The following SLC35F4 variants were observed in gnomAD, a reference collection of about 807,000 sequenced individuals.
SLC35F4 encodes the protein solute carrier family 35 member F4, also known as chromosome 14 open reading frame 36.
SLC35F4 carries 24 observed loss-of-function variants against 44.2 expected under a neutral mutation model. The observed-to-expected ratio is 0.54, with a 90% CI of 0.39 to 0.76. The LOEUF is 0.76. SLC35F4 is among the 30% of genes least tolerant of loss of function. The pLI, the probability that SLC35F4 is intolerant of heterozygous loss-of-function variation, is 0.00. For missense variants in SLC35F4, 562 were observed against 586.1 expected, an observed-to-expected ratio of 0.96 and a Z score of 0.42; for synonymous variants, 238 against 223.6, an observed-to-expected ratio of 1.06 and a Z score of -0.57.
chr14:57,867,604 C>CCCA (rs1595256415), upstream of SLC35F4, among the ~76,000 whole-genome samples: 1 of 150,018 alleles, frequency 6.7e-6, no homozygotes, highest in East Asian at 2.1e-4. Context: ...GCCTTTACAC[C>CCCA]CCCCCCCACG....
intron 1 of SLC35F4, among the ~76,000 whole-genome samples, chr14:57,926,838 T>C (rs921169588): frequency 6.6e-6 from 1 of 152,064 alleles, no homozygotes; most frequent in Non-Finnish European, 1.5e-5. Context: ...ATCACCAGTG[T>C]TTCCAAAAGA....
At chr14:57,801,003 C>T (rs928935234) in intron 1 of SLC35F4, among the ~76,000 whole-genome samples, 2 of 152,084 alleles carry the variant, frequency 1.3e-5, no homozygotes, top group African/African-American at 4.8e-5. Flanking sequence ...CATTCAAATT[C>T]AGAAAATGCA....
At chr14:57,793,312 A>G (rs1157863261) in intron 1 of SLC35F4, among the ~76,000 whole-genome samples, 48 of 151,822 alleles carry the variant, frequency 3.2e-4, no homozygotes, top group Non-Finnish European at 1.5e-5. Flanking sequence ...ATGAAACTGT[A>G]CAGTGGTGAA....
chr14:57,572,620 C>A (rs1401317649), intron 4 of SLC35F4, among the ~76,000 whole-genome samples: 1 of 152,198 alleles, frequency 6.6e-6, no homozygotes, highest in African/African-American at 2.4e-5. Context: ...AAATGGAAGC[C>A]AGTACTTCCT....
In SLC35F4 at chr14:57,964,989, AAAATATAT is replaced by A. The variant is rs1249977140; in HGVS notation, n.282+16916_282+16923del. On this transcript the variant is annotated intron_variant and non_coding_transcript_variant, in intron 1 of 1. Transcript: ENST00000556568. ...TCCCATGGGGGAAAAAAAAAAAAAA[AAAATATAT>A]ATATATATATATATAGTTTCAGACA... 7.0e-5 allele frequency among the ~76,000 whole-genome samples: 9 copies of A among 127,904 alleles called. No individual in the cohort carries two copies. In the East Asian group the frequency reaches 2.0e-3, roughly 29 times the overall value. 83.9% of individuals were successfully genotyped at this position (127,904 alleles called of 152,430 possible).
At chr14:57,742,637 C>T (rs564884407) in intron 1 of SLC35F4, among the ~76,000 whole-genome samples, 11 of 152,210 alleles carry the variant, frequency 7.2e-5, no homozygotes, top group African/African-American at 2.6e-4. Context: ...GACTTTAACA[C>T]CCCACTTTCA....
At chr14:57,885,730 A>T (rs1888632443) in intron 1 of SLC35F4, among the ~76,000 whole-genome samples, 1 of 152,210 alleles carries the variant, frequency 6.6e-6, no homozygotes, top group African/African-American at 2.4e-5. Context: ...TTTTATCATC[A>T]CAGAATGTTC....
At chr14:57,793,105 G>A (rs930865747) in intron 1 of SLC35F4, among the ~76,000 whole-genome samples, 4 of 151,944 alleles carry the variant, frequency 2.6e-5, no homozygotes, top group South Asian at 2.1e-4. Flanking sequence ...GCCTAACCTC[G>A]TCTTATCACA....
At chr14:57,645,225 T>G (rs2073446743) in intron 1 of SLC35F4, among the ~76,000 whole-genome samples, 1 of 152,226 alleles carries the variant, frequency 6.6e-6, no homozygotes, top group Non-Finnish European at 1.5e-5. Context: ...ATGGCCATTT[T>G]CACAATATTG....
chr14:57,684,522 G>T (rs2075011247), intron 1 of SLC35F4, among the ~76,000 whole-genome samples: 1 of 152,196 alleles, frequency 6.6e-6, no homozygotes, highest in African/African-American at 2.4e-5. Flanking sequence ...TCTGAGAGGA[G>T]GCAGAGCTCA....
chr14:57,948,532 T>C (rs1368349805), intron 1 of SLC35F4, among the ~76,000 whole-genome samples: 2 of 151,918 alleles, frequency 1.3e-5, no homozygotes, highest in Admixed American at 1.3e-4. Context: ...TTCAATTTTA[T>C]TTAGTTCTGC....
At chr14:57,925,491 AAGGAAGGGAGGGAGGGAGGGAGGGAGGG>A (rs1889540841) in intron 1 of SLC35F4, among the ~76,000 whole-genome samples, 1 of 82,406 alleles carries the variant, frequency 1.2e-5, no homozygotes, top group Non-Finnish European at 2.4e-5. Flanking sequence ...GGAAGGAAGG[AAGGAAGGGAGGGAGGGAGGGAGGGAGGG>A]AGGGAGGGAG....
At chr14:57,811,227 G>A (rs1881926106) in intron 1 of SLC35F4, among the ~76,000 whole-genome samples, 2 of 152,138 alleles carry the variant, frequency 1.3e-5, no homozygotes, top group Admixed American at 6.6e-5. Context: ...TAGAAAGGTG[G>A]GGAAAGGTAG....
intron 1 of SLC35F4, among the ~76,000 whole-genome samples, chr14:57,830,396 T>C (rs939386082): frequency 6.6e-6 from 1 of 152,224 alleles, no homozygotes; most frequent in Non-Finnish European, 1.5e-5. Flanking sequence ...GATTTTTATT[T>C]GGATCTCCCT....
chr14:57,879,774 G>A (rs1888479205), intron 1 of SLC35F4, among the ~76,000 whole-genome samples: 1 of 152,098 alleles, frequency 6.6e-6, no homozygotes, highest in Admixed American at 6.6e-5. Context: ...CTGTGGTGCT[G>A]TGTTGCAAGG....
intron 1 of SLC35F4, among the ~76,000 whole-genome samples, chr14:57,664,441 C>A (rs571822295): frequency 6.6e-6 from 1 of 152,104 alleles, no homozygotes; most frequent in Admixed American, 6.6e-5. Context: ...CAGAGTCTCG[C>A]TCCGTCATCC....
chr14:57,673,922 A>G (rs957419852), intron 1 of SLC35F4, among the ~76,000 whole-genome samples: 1 of 152,116 alleles, frequency 6.6e-6, no homozygotes, highest in Non-Finnish European at 1.5e-5. Flanking sequence ...TTAACAAAGA[A>G]TACAGTAAAC....
At chr14:57,891,808 G>A (rs1285420239) in intron 1 of SLC35F4, among the ~76,000 whole-genome samples, 4 of 152,260 alleles carry the variant, frequency 2.6e-5, no homozygotes, top group East Asian at 1.9e-4. Flanking sequence ...CCCAGCAGGT[G>A]GAGGTTGCAG....
Position 57,946,340 on chromosome 14 carries a change from A to G in SLC35F4, n.282+35573T>C, listed in dbSNP as rs566942452. Among the ~76,000 whole-genome samples, 8 of 151,858 alleles carry G rather than the reference A, an allele frequency of 5.3e-5. No individual in the cohort carries two copies. The South Asian group carries it at 1.2e-3, about 24-fold the overall frequency. On this transcript the variant is annotated intron_variant and non_coding_transcript_variant, in intron 1 of 1. Transcript: ENST00000556568. ...TGGGGATCCAGTTTCATTCTTCTAC[A>G]TGTGGCTGGCCAATTATCCCAGCAC...
Sources: gnomAD v4.1 joint callset for allele counts (sites outside exome capture counted in the v4.1 genomes callset) on GRCh38, gnomAD v4.1.1 for gene constraint, MANE v1.5 for transcripts, NCBI Gene and HGNC (gene_info 2026-07-23, HGNC 2026-07-21) for gene names.